PHLPP1: variants seen among roughly 807,000 people sequenced by gnomAD.
PHLPP1 encodes PH domain leucine-rich repeat-containing protein phosphatase 1.
A neutral mutation model predicts 117.2 loss-of-function variants in PHLPP1; 42 were observed. The ratio of observed to expected loss-of-function variants is 0.36; its 90% CI spans 0.28 to 0.46. The LOEUF (loss-of-function observed/expected upper bound fraction) is 0.46, where lower values mean the gene tolerates loss of function less well. PHLPP1 is among the 20% of genes least tolerant of loss of function. PHLPP1 has a pLI of 1.00. For synonymous variants in PHLPP1, 1,042 were observed against 970.7 expected (o/e 1.07, Z -1.37); for missense variants, 2,084 against 2,241.9 (o/e 0.93, Z 1.42).
intron 3 of PHLPP1, chr18:62,843,133 G>A (rs1915094208): frequency 1.3e-5 from 2 of 152,084 alleles, no homozygotes; most frequent in South Asian, 4.1e-4. Flanking sequence ...GAAATGTTTA[G>A]TTTCTTTTCT....
chr18:62,731,338 T>C (rs754478222), intron 1 of PHLPP1: 12 of 152,214 alleles, frequency 7.9e-5, no homozygotes, highest in Non-Finnish European at 1.5e-4. Context: ...AGCACCCTTT[T>C]CATTGTTATA....
intron 1 of PHLPP1, among the ~76,000 whole-genome samples, chr18:62,814,168 C>A (rs1453219534): frequency 2.0e-5 from 3 of 152,118 alleles, no homozygotes; most frequent in Non-Finnish European, 4.4e-5. Flanking sequence ...TATAAATAAA[C>A]CTAATCAAAT....
intron 4 of PHLPP1, among the ~76,000 whole-genome samples, chr18:62,880,206 G>GTT (rs765091810): frequency 4.1e-5 from 6 of 145,270 alleles, no homozygotes; most frequent in African/African-American, 1.0e-4. Context: ...GGGTGTTAGG[G>GTT]TTTTTTTTTT....
chr18:62,821,937 T>A (rs577911217), intron 1 of PHLPP1, among the ~76,000 whole-genome samples: 173 of 151,656 alleles, frequency 1.1e-3, no homozygotes, highest in East Asian at 0.01. Flanking sequence ...CAAAAAAAAA[T>A]TTTTTTTAAT....
intron 1 of PHLPP1, among the ~76,000 whole-genome samples, chr18:62,823,828 A>G (rs1914533372): frequency 6.6e-6 from 1 of 152,006 alleles, no homozygotes; most frequent in Admixed American, 6.6e-5. Flanking sequence ...ATGCACTAGA[A>G]TGGCTAAAAG....
At position 62,915,049 on chromosome 18, in the gene PHLPP1, G is replaced by T. The variant is rs369048579; in HGVS notation, c.2804+41G>T. 7.6e-5 allele frequency: 109 copies of T among 1,433,056 alleles called. No homozygotes were observed. In the African/African-American group the frequency reaches 1.4e-3, roughly 18 times the overall value. 88.8% of individuals were successfully genotyped at this position (1,433,056 alleles called of 1,614,324 possible). On this transcript the variant is annotated intron_variant, in intron 9 of 16. Coordinates refer to ENST00000262719, the MANE Select transcript of PHLPP1 (RefSeq NM_194449.4). ...CAAATGAGAGGATCTCACAATAAAT[G>T]AGCAATTTTAAAAATTGCTGATTCA...
chr18:62,894,082 G>A (rs1365020525), intron 4 of PHLPP1, among the ~76,000 whole-genome samples: 1 of 152,168 alleles, frequency 6.6e-6, no homozygotes, highest in African/African-American at 2.4e-5. Context: ...TTTGGGTTGG[G>A]GAAGAAAAGA....
intron 12 of PHLPP1, 103 bp from the exon 13 acceptor site, chr18:62,958,526 A>G: frequency 9.0e-7 from 1 of 1,110,758 alleles, no homozygotes; most frequent in Non-Finnish European, 1.3e-6. Context: ...GTGTATTATA[A>G]TGAATGGTCA....
intron 12 of PHLPP1, among the ~76,000 whole-genome samples, chr18:62,950,957 G>T (rs1449426639): frequency 6.6e-6 from 1 of 151,922 alleles, no homozygotes; most frequent in Non-Finnish European, 1.5e-5. Flanking sequence ...TTTCAAAATT[G>T]GTGTAATGAG....
chr18:62,901,664 C>T (rs1392619492), intron 6 of PHLPP1, among the ~76,000 whole-genome samples: 3 of 149,920 alleles, frequency 2.0e-5, no homozygotes, highest in Admixed American at 2.0e-4. Context: ...CGCTCTGTCG[C>T]CCAGGCTAGA....
chr18:62,772,224 A>G (rs546700000), intron 1 of PHLPP1, among the ~76,000 whole-genome samples: 1 of 152,346 alleles, frequency 6.6e-6, no homozygotes, highest in African/African-American at 2.4e-5. Flanking sequence ...CTGGAAGGTT[A>G]TGTAATGTTG....
intron 1 of PHLPP1, among the ~76,000 whole-genome samples, chr18:62,801,953 T>C (rs1159577697): frequency 6.6e-6 from 1 of 152,232 alleles, no homozygotes; most frequent in Non-Finnish European, 1.5e-5. Context: ...TTGTGTTGTT[T>C]TGACTTATGT....
chr18:62,760,803 C>T (rs1912199301), intron 1 of PHLPP1, among the ~76,000 whole-genome samples: 1 of 152,168 alleles, frequency 6.6e-6, no homozygotes, highest in Non-Finnish European at 1.5e-5. Flanking sequence ...CTTAGCAAAA[C>T]TTGATGAAAT....
At position 62,895,020 on chromosome 18, in the gene PHLPP1, G is replaced by A. The variant is rs762905476; in HGVS notation, c.2076G>A (p.Lys692=). The A allele has an allele frequency of 1.0e-5, 16 of 1,606,724 alleles. No individual in the cohort carries two copies. The highest frequency in any genetic ancestry group is 1.4e-5 in the Non-Finnish European group (16 of 1,175,836). The stretch of plus-strand genomic sequence containing the variant: ...TGCTTTATTGTAATAGGTTCACCAA[G>A]TTGAAGAGTCTTAACCTTTCCAATA... ...RGLNELQRFT[K]LKSLNLSNNH... Residue 692 remains lysine (K), a synonymous_variant, in exon 5 of 17, where the codon AAG becomes AAA. Transcript: ENST00000262719.
intron 1 of PHLPP1, among the ~76,000 whole-genome samples, chr18:62,767,297 A>G (rs2144260298): frequency 6.6e-6 from 1 of 152,330 alleles, no homozygotes; most frequent in East Asian, 1.9e-4. Flanking sequence ...AAAGTGCCAC[A>G]ATGTTATTTG....
chr18:62,959,223 G>T (rs779632955), intron 13 of PHLPP1, among the ~76,000 whole-genome samples: 21 of 152,278 alleles, frequency 1.4e-4, no homozygotes, highest in Admixed American at 6.5e-4. Flanking sequence ...GTCTTAATGA[G>T]AATGTTCATC....
At chr18:62,973,135 T>G (rs968981363) in intron 15 of PHLPP1, among the ~76,000 whole-genome samples, 6 of 152,224 alleles carry the variant, frequency 3.9e-5, no homozygotes, top group African/African-American at 7.2e-5. Context: ...ATCACTGGTT[T>G]GAGATAGTGC....
chr18:62,926,727 G>A (rs1437876900), intron 10 of PHLPP1, among the ~76,000 whole-genome samples: 1 of 152,138 alleles, frequency 6.6e-6, no homozygotes, highest in Non-Finnish European at 1.5e-5. Context: ...AAGCTCCCTA[G>A]AGAATTAGGA....
Position 62,978,577 on chromosome 18 carries a change from C to A in PHLPP1, c.4300C>A (p.Leu1434Ile), listed in dbSNP as rs1299192867. Reference protein sequence around the residue: ...VTEDSFCCCELSAGGAVPPPS... With the variant: ...VTEDSFCCCEISAGGAVPPPS... ...TGAGGACAGCTTCTGCTGCTGCGAG[C>A]TCAGCGCCGGTGGGGCTGTGCCACC... The change falls in exon 17 of 17, where the codon CTC becomes ATC. Residue 1434 changes from leucine (L) to isoleucine (I), a missense_variant. By Grantham distance (5) the Leu-to-Ile change is conservative. This residue lies in a region of PHLPP1 where 1,365 missense variants were observed against 1,605.9 expected (regional missense o/e 0.85). Transcript: ENST00000262719. The surrounding 1 kb of genome is among the most constrained non-coding windows in gnomAD (Gnocchi z 7.0). The A allele has an allele frequency of 1.2e-6, 2 of 1,613,424 alleles. No individual in the cohort carries two copies. The highest frequency in any genetic ancestry group is 1.7e-6 in the Non-Finnish European group (2 of 1,179,612).
Sources: allele counts gnomAD v4.1 joint callset (sites outside exome capture counted in the v4.1 genomes callset), GRCh38; gene constraint gnomAD v4.1.1; regional missense constraint gnomAD v4.1.1; non-coding constraint Gnocchi (gnomAD v3.1); transcripts MANE v1.5; gene names NCBI Gene and HGNC (gene_info 2026-07-23, HGNC 2026-07-21).